GABRB3: variants seen among roughly 807,000 people sequenced by gnomAD.
The protein encoded by GABRB3 is gamma-aminobutyric acid type A receptor subunit beta3, also known as gamma-aminobutyric acid receptor subunit beta-3.
Under a neutral mutation model 52.1 loss-of-function variants are expected in GABRB3, and 14 were observed. The ratio of observed to expected loss-of-function variants is 0.27; its 90% CI spans 0.18 to 0.42. The LOEUF is 0.42. GABRB3 is among the 10% of genes least tolerant of loss of function. The pLI is 1.00. For synonymous variants in GABRB3, 260 were observed against 232.3 expected, an observed-to-expected ratio of 1.12 and a Z score of -1.08; for missense variants, 307 against 609.1, an observed-to-expected ratio of 0.50 and a Z score of 5.22.
At chr15:26,720,037 G>A (rs557056255) in intron 3 of GABRB3, among the ~76,000 whole-genome samples, 1 of 152,142 alleles carries the variant, frequency 6.6e-6, no homozygotes, top group African/African-American at 2.4e-5. Flanking sequence ...CAAAAGAAGT[G>A]AAAATGGCCG....
chr15:26,564,831 A>G (rs1208772116), intron 7 of GABRB3, among the ~76,000 whole-genome samples: 3 of 152,216 alleles, frequency 2.0e-5, no homozygotes, highest in Non-Finnish European at 4.4e-5. Context: ...TTTCTTAAAC[A>G]AATCCATGAC....
chr15:26,698,734 G>A (rs1178609010), intron 3 of GABRB3, among the ~76,000 whole-genome samples: 2 of 152,130 alleles, frequency 1.3e-5, no homozygotes, highest in Admixed American at 6.5e-5. Flanking sequence ...TTCCCCTGTC[G>A]CTCCCCAAAG....
chr15:26,679,674 A>AC (rs1888176472), intron 3 of GABRB3, among the ~76,000 whole-genome samples: 1 of 151,946 alleles, frequency 6.6e-6, no homozygotes, highest in Non-Finnish European at 1.5e-5. Context: ...CCCTCCACAA[A>AC]AGCCCAGAGC....
intron 3 of GABRB3, among the ~76,000 whole-genome samples, chr15:26,634,172 C>T (rs148280052): frequency 6.6e-6 from 1 of 152,214 alleles, no homozygotes; most frequent in East Asian, 1.9e-4. Flanking sequence ...TCTGGGTCTT[C>T]GTTCTTCCAC....
chr15:26,735,155 T>G (rs182304231), intron 3 of GABRB3, among the ~76,000 whole-genome samples: 42 of 152,188 alleles, frequency 2.8e-4, no homozygotes, highest in Non-Finnish European at 3.1e-4. Flanking sequence ...ATTTCATTCA[T>G]CATTAGGGGA....
At chr15:26,754,880 C>T (rs2140175957) in intron 3 of GABRB3, among the ~76,000 whole-genome samples, 1 of 152,302 alleles carries the variant, frequency 6.6e-6, no homozygotes, top group Admixed American at 6.5e-5. Flanking sequence ...TGCACTCAAA[C>T]ACCCGAGGGG....
chr15:26,549,251 T>C (rs1358944863), intron 8 of GABRB3, among the ~76,000 whole-genome samples: 1 of 152,184 alleles, frequency 6.6e-6, no homozygotes, highest in Non-Finnish European at 1.5e-5. Flanking sequence ...TCCAGCTAGA[T>C]AAGCAGGAGG....
intron 3 of GABRB3, among the ~76,000 whole-genome samples, chr15:26,763,633 CA>C (rs1486443747): frequency 2.0e-5 from 3 of 151,864 alleles, no homozygotes; most frequent in Admixed American, 6.6e-5. Context: ...CACACACACA[CA>C]CACACCATGG....
At chr15:26,712,452 C>T (rs965827086) in intron 3 of GABRB3, among the ~76,000 whole-genome samples, 1 of 151,922 alleles carries the variant, frequency 6.6e-6, no homozygotes, top group Admixed American at 6.6e-5. Context: ...TGTGGGAAAG[C>T]AGGGGTGGGC....
intron 4 of GABRB3, chr15:26,616,130 C>T: frequency 8.0e-7 from 1 of 1,248,412 alleles, no homozygotes; most frequent in Non-Finnish European, 1.1e-6. Context: ...TGCCATGTCA[C>T]CATCCAGCCA....
At chr15:26,568,759 C>A (rs910529824) in intron 6 of GABRB3, among the ~76,000 whole-genome samples, 1 of 150,908 alleles carries the variant, frequency 6.6e-6, no homozygotes, top group Non-Finnish European at 1.5e-5. Flanking sequence ...TTGTGATCCA[C>A]CCACCTCGGC....
At position 26,759,163 on chromosome 15, in the gene GABRB3, T is replaced by C. The variant is rs143094510; in HGVS notation, c.240+13239A>G. ...TGGTGCAGGCAGACCAAAGTCTTCA[T>C]CTCTACACCTGCAGCGGTTTACTTG... On this transcript the variant is annotated intron_variant, in intron 3 of 8. Transcript: ENST00000311550. 1.9e-4 allele frequency among the ~76,000 whole-genome samples: 29 copies of C among 152,274 alleles called. No homozygotes were observed. The East Asian group carries it at 2.7e-3, about 14-fold the overall frequency.
chr15:26,634,073 C>CT (rs1443380766), intron 3 of GABRB3, among the ~76,000 whole-genome samples: 1 of 152,044 alleles, frequency 6.6e-6, no homozygotes, highest in East Asian at 1.9e-4. Context: ...CTACTGTAGC[C>CT]TTTTTTTGGA....
chr15:26,708,525 T>C (rs1307826513), intron 3 of GABRB3, among the ~76,000 whole-genome samples: 1 of 152,170 alleles, frequency 6.6e-6, no homozygotes, highest in Admixed American at 6.5e-5. Flanking sequence ...TCCTGGGTAC[T>C]AGGGCACTGC....
intron 6 of GABRB3, among the ~76,000 whole-genome samples, chr15:26,567,967 G>A (rs534754158): frequency 4.6e-5 from 7 of 152,368 alleles, no homozygotes; most frequent in East Asian, 1.9e-4. Context: ...AAGGCTAAAC[G>A]CTCGGTTGAG....
intron 3 of GABRB3, among the ~76,000 whole-genome samples, chr15:26,738,288 G>T (rs548299476): frequency 6.6e-6 from 1 of 152,042 alleles, no homozygotes; most frequent in African/African-American, 2.4e-5. Flanking sequence ...TCACAATGTT[G>T]GCCAGGCTGG....
intron 3 of GABRB3, among the ~76,000 whole-genome samples, chr15:26,700,774 G>A (rs1044262881): frequency 3.9e-5 from 6 of 152,150 alleles, no homozygotes; most frequent in African/African-American, 1.4e-4. Context: ...CAAAACTCTC[G>A]GCCAGGTACA....
chr15:26,658,269 A>C (rs892784864), intron 3 of GABRB3, among the ~76,000 whole-genome samples: 2 of 152,132 alleles, frequency 1.3e-5, no homozygotes, highest in African/African-American at 2.4e-5. Flanking sequence ...TCTAAAAAAA[A>C]CCCCAGCCTT....
At chr15:26,623,726 G>A (rs1361663887) in intron 3 of GABRB3, among the ~76,000 whole-genome samples, 1 of 152,116 alleles carries the variant, frequency 6.6e-6, no homozygotes, top group Non-Finnish European at 1.5e-5. Flanking sequence ...ACTAAAGACA[G>A]CCCCTGTGCC....
Sources: allele counts gnomAD v4.1 joint callset (sites outside exome capture counted in the v4.1 genomes callset), GRCh38; gene constraint gnomAD v4.1.1; transcripts MANE v1.5; gene names NCBI Gene and HGNC (gene_info 2026-07-23, HGNC 2026-07-21).